The following DNAH8 variants were observed in gnomAD, a reference collection of about 807,000 sequenced individuals.
The protein encoded by DNAH8 is dynein axonemal heavy chain 8, also known as axonemal beta dynein heavy chain 8.
In DNAH8, 382 loss-of-function variants were observed where a neutral mutation model predicts 562.1. That is an observed-to-expected ratio of 0.68 (90% confidence interval 0.63 to 0.74). The LOEUF (loss-of-function observed/expected upper bound fraction) is 0.74. DNAH8 is among the 30% of genes least tolerant of loss of function. DNAH8 has a pLI of 0.00. For synonymous variants in DNAH8, 1,881 were observed against 1,919.4 expected (o/e 0.98, Z 0.52); for missense variants, 5,203 against 5,620.4 (o/e 0.93, Z 2.37).
At chr6:38,920,637 G>A (rs10947762) in intron 70 of DNAH8, among the ~76,000 whole-genome samples, 36,817 of 151,912 alleles carry the variant, frequency 0.24, 5,427 homozygotes, top group Non-Finnish European at 0.34. Flanking sequence ...TGGGTGGGTG[G>A]ACAAATGTAT....
Position 38,950,189 on chromosome 6 carries a change from CGTGTGTGT to C in DNAH8, c.12248+644_12248+651del, listed in dbSNP as rs10546857. On this transcript the variant is annotated intron_variant, in intron 81 of 92. Transcript: ENST00000327475. ...TGAAAAAAATCAGTGTGTGTGTCTG[CGTGTGTGT>C]GTGTGTGTGTGTGTGTGTGTGTGTT... 1.6e-3 allele frequency among the ~76,000 whole-genome samples: 233 copies of C among 144,112 alleles called. 1 individual carries two copies. The highest frequency in any genetic ancestry group is 5.6e-3 in the African/African-American group (219 of 38,896). 94.5% of individuals were successfully genotyped at this position (144,112 alleles called of 152,430 possible).
rs1206266759 is a variant in DNAH8 at position 38,715,925 on chromosome 6, AATATAT to A, written c.-35+541_-35+546del. Among the ~76,000 whole-genome samples the A allele has an allele frequency of 6.4e-3, 237 of 36,880 alleles. 19 individuals are homozygous for A. The highest frequency in any genetic ancestry group is 0.019 in the Middle Eastern group (1 of 52). 24.2% of individuals were successfully genotyped at this position (36,880 alleles called of 152,430 possible). A position where few individuals can be genotyped will look rare whatever the true frequency, so the allele number is the denominator to read the frequency against. On this transcript the variant is annotated intron_variant, in intron 1 of 92. Transcript: ENST00000327475. ...ATTAAAATAAATAAATAAATAAATA[AATATAT>A]ATATATATATATATATATATATATA...
rs960018798 is a variant in DNAH8, at chr6:38,723,077, C to A, written c.268C>A (p.Pro90Thr). The change falls in exon 2 of 93, where the codon CCG becomes ACG. Residue 90 changes from proline (P) to threonine (T), a missense_variant. Around this residue, in one of 6 missense-constraint regions of DNAH8, gnomAD observed 556 missense variants for 496.9 expected, o/e 1.12. Coordinates refer to ENST00000327475, the MANE Select transcript of DNAH8 (RefSeq NM_001206927.2). ...GAATAGAGTTCGACAGAGGCTTGCA[C>A]CGCGACCGGTTCAGTCAGTGATTTC... ...DLNRVRQRLA[P>T]RPVQSVISEV... 6.2e-7 allele frequency: 1 copy of A among 1,612,906 alleles called. No homozygotes were observed. Among genetic ancestry groups the A allele is most frequent in the Non-Finnish European group, 8.5e-7 (1 of 1,179,900 alleles).
intron 41 of DNAH8, among the ~76,000 whole-genome samples, chr6:38,855,652 T>C (rs1776136847): frequency 1.3e-5 from 2 of 152,178 alleles, no homozygotes; most frequent in Non-Finnish European, 2.9e-5. Flanking sequence ...GAACATTCAA[T>C]ATCCTCCTTC....
At position 38,827,733 on chromosome 6, in the gene DNAH8, C is replaced by CTTTTTTTTTTTTTTTTTTTTTTTT. The variant is rs562852660; in HGVS notation, c.4084-436_4084-413dup. ...TGCAAAAGCTTAATTCTTTACCAAA[C>CTTTTTTTTTTTTTTTTTTTTTTTT]TTTTTTTTTTTTTTTTTTTTTTTTT... On this transcript the variant is annotated intron_variant, in intron 29 of 92. Coordinates refer to ENST00000327475, the MANE Select transcript of DNAH8 (RefSeq NM_001206927.2). 1.6e-3 allele frequency among the ~76,000 whole-genome samples: 81 copies of CTTTTTTTTTTTTTTTTTTTTTTTT among 52,244 alleles called. 40 individuals are homozygous for CTTTTTTTTTTTTTTTTTTTTTTTT. Among genetic ancestry groups the CTTTTTTTTTTTTTTTTTTTTTTTT allele is most frequent in the South Asian group, 2.8e-3 (4 of 1,454 alleles). 34.3% of individuals were successfully genotyped at this position (52,244 alleles called of 152,430 possible).
chr6:38,871,260 A>T (rs1777448340), intron 49 of DNAH8, among the ~76,000 whole-genome samples: 1 of 152,226 alleles, frequency 6.6e-6, no homozygotes, highest in Non-Finnish European at 1.5e-5. Flanking sequence ...TTCTTGCCAG[A>T]TTATAAGATG....
At position 39,023,202 on chromosome 6, in the gene DNAH8, T is replaced by A. The variant is rs553098734; in HGVS notation, c.13715-3344T>A. On this transcript the variant is annotated intron_variant, in intron 91 of 92. Coordinates refer to ENST00000327475, the MANE Select transcript of DNAH8 (RefSeq NM_001206927.2). ...TGGTTTAGGAATTATTAAAACTAAATTGTGCCAGCCAGGGGTGCAGTGGCT... is the reference window on the plus strand; with the variant it reads ...TGGTTTAGGAATTATTAAAACTAAAATGTGCCAGCCAGGGGTGCAGTGGCT... Among the ~76,000 whole-genome samples the A allele has an allele frequency of 9.4e-3, 1,430 of 152,304 alleles. 29 individuals carry two copies. Among genetic ancestry groups the A allele is most frequent in the African/African-American group, 0.032 (1,310 of 41,566 alleles).
chr6:38,992,259 C>T (rs1272542679), intron 88 of DNAH8, among the ~76,000 whole-genome samples: 1 of 152,192 alleles, frequency 6.6e-6, no homozygotes, highest in Non-Finnish European at 1.5e-5. Context: ...TGAGCCACCG[C>T]ACCCAGCCTC....
Position 38,874,188 on chromosome 6 carries a change from CTCTT to C in DNAH8, c.7620+820_7620+823del, listed in dbSNP as rs1471727474. Among the ~76,000 whole-genome samples the C allele has an allele frequency of 4.7e-5, 4 of 85,468 alleles. 1 individual carries two copies. Among genetic ancestry groups the C allele is most frequent in the Non-Finnish European group, 7.3e-5 (3 of 41,062 alleles). 56.1% of individuals were successfully genotyped at this position (85,468 alleles called of 152,430 possible). A position where few individuals can be genotyped will look rare whatever the true frequency, so the allele number is the denominator to read the frequency against. On this transcript the variant is annotated intron_variant, in intron 52 of 92. Coordinates refer to ENST00000327475, the MANE Select transcript of DNAH8 (RefSeq NM_001206927.2). ...CTTCTCTCTTTCTTTCTTTCTCTCTCTCTTTCTTTCTCTCTTTCTTTCTTTCTCT... is the reference window on the plus strand; with the variant it reads ...CTTCTCTCTTTCTTTCTTTCTCTCTCTCTTTCTCTCTTTCTTTCTTTCTCT...
chr6:38,841,630 G>A (rs1333252459), intron 33 of DNAH8, among the ~76,000 whole-genome samples: 5 of 152,044 alleles, frequency 3.3e-5, no homozygotes, highest in Non-Finnish European at 7.4e-5. Flanking sequence ...TCTGTTGAGT[G>A]GTCAATTTGG....
intron 3 of DNAH8, among the ~76,000 whole-genome samples, chr6:38,728,080 T>G (rs1249904474): frequency 1.3e-5 from 2 of 152,104 alleles, no homozygotes; most frequent in African/African-American, 4.8e-5. Flanking sequence ...ATCCTCCGAC[T>G]TTAGCCTCCC....
At chr6:38,916,706 G>A (rs967760621) in intron 68 of DNAH8, among the ~76,000 whole-genome samples, 1 of 152,150 alleles carries the variant, frequency 6.6e-6, no homozygotes, top group Non-Finnish European at 1.5e-5. Flanking sequence ...TGGTCTCCCA[G>A]TCCTTGCCTT....
At chr6:38,929,467 C>T (rs770249786) in intron 74 of DNAH8, 44 bp from the exon 75 acceptor site, 1 of 1,500,124 alleles carries the variant, frequency 6.7e-7, no homozygotes, top group Non-Finnish European at 8.9e-7. Context: ...GCAATGGGCA[C>T]ATTCTTTGTA....
At position 38,823,206 on chromosome 6, in the gene DNAH8, T is replaced by G. The variant is rs112153764; in HGVS notation, c.3720+172T>G. On this transcript the variant is annotated intron_variant, in intron 27 of 92. Coordinates refer to ENST00000327475, the MANE Select transcript of DNAH8 (RefSeq NM_001206927.2). ...TGGTGTAATTCTCACATGGACACAC[T>G]GAGGCAATTGATATTACTGAGGCTC... Among the ~76,000 whole-genome samples, 566 of 152,334 alleles carry G rather than the reference T, an allele frequency of 3.7e-3. 2 individuals are homozygous for G. The highest frequency in any genetic ancestry group is 0.014 in the Middle Eastern group (4 of 294).
chr6:38,801,899 G>A (rs1770807676), intron 21 of DNAH8, among the ~76,000 whole-genome samples: 1 of 152,126 alleles, frequency 6.6e-6, no homozygotes, highest in South Asian at 2.1e-4. Flanking sequence ...ACAGACTTGG[G>A]ATCCTCTGCA....
chr6:38,743,370 TTC>T (rs1764676999), intron 8 of DNAH8, among the ~76,000 whole-genome samples: 1 of 152,182 alleles, frequency 6.6e-6, no homozygotes, highest in Admixed American at 6.5e-5. Context: ...ATTTTCCCCT[TTC>T]TTTTTTTGCA....
chr6:38,838,448 G>T (rs1774488308), intron 33 of DNAH8, among the ~76,000 whole-genome samples: 1 of 145,778 alleles, frequency 6.9e-6, no homozygotes, highest in African/African-American at 2.6e-5. Flanking sequence ...GCCCAGGCTG[G>T]AGTGCAGTGG....
chr6:38,762,680 A>T (rs774455851), intron 11 of DNAH8, among the ~76,000 whole-genome samples: 2 of 152,244 alleles, frequency 1.3e-5, no homozygotes, highest in Admixed American at 6.5e-5. Flanking sequence ...TGGCCACAGC[A>T]GGAAGGCTCC....
intron 41 of DNAH8, among the ~76,000 whole-genome samples, chr6:38,856,883 G>A (rs952666065): frequency 6.6e-6 from 1 of 152,066 alleles, no homozygotes; most frequent in Non-Finnish European, 1.5e-5. Context: ...GAAGGGGTGA[G>A]GGTGGGGCAT....
Sources: gnomAD v4.1 joint callset for allele counts (sites outside exome capture counted in the v4.1 genomes callset) on GRCh38, gnomAD v4.1.1 for gene constraint, gnomAD v4.1.1 regional missense constraint, MANE v1.5 for transcripts, NCBI Gene and HGNC (gene_info 2026-07-23, HGNC 2026-07-21) for gene names.